Variants in FGF14 observed in about 807,000 individuals in gnomAD.
FGF14 encodes the protein fibroblast growth factor 14.
Under a neutral mutation model 25.5 loss-of-function variants are expected in FGF14, and 5 were observed. That is an observed-to-expected ratio of 0.20 (90% CI 0.10 to 0.41). FGF14 has a LOEUF of 0.41. FGF14 is among the 10% of genes least tolerant of loss of function. The pLI is 1.00. For synonymous variants in FGF14, 138 were observed against 118.3 expected, an observed-to-expected ratio of 1.17 and a Z score of -1.08; for missense variants, 222 against 320.1, an observed-to-expected ratio of 0.69 and a Z score of 2.34.
At chr13:101,937,750 C>T (rs2035197227) in intron 1 of FGF14, among the ~76,000 whole-genome samples, 1 of 152,090 alleles carries the variant, frequency 6.6e-6, no homozygotes, top group Admixed American at 6.6e-5. Flanking sequence ...CAGGTGCTCA[C>T]CACCACGCCC....
rs1161042318 is a variant in FGF14, at chr13:102,196,648, TTAAC to T, written c.208+204819_208+204822del. 6.6e-5 allele frequency among the ~76,000 whole-genome samples: 10 copies of T among 152,324 alleles called. No homozygotes were observed. The East Asian group carries it at 1.7e-3, about 26-fold the overall frequency. Reference sequence around the variant, plus strand: ...ATGTTGAATGATTAAATCAGACTAATTAACAAATTCATCACCTCACATATAATTT... The same window carrying T: ...ATGTTGAATGATTAAATCAGACTAATAAATTCATCACCTCACATATAATTT... On this transcript the variant is annotated intron_variant, in intron 1 of 4. Coordinates refer to the FGF14 transcript ENST00000376131.
Position 102,397,156 on chromosome 13 carries a change from C to G in FGF14, c.208+4315G>C, listed in dbSNP as rs143771593. 1.6e-3 allele frequency among the ~76,000 whole-genome samples: 241 copies of G among 152,284 alleles called. 2 individuals are homozygous for G. The highest frequency in any genetic ancestry group is 5.3e-3 in the African/African-American group (219 of 41,550). Reference sequence around the variant, plus strand: ...GAAGGAGGGGAGTAAAAAGTGCTCACTCTTCTTCCCTCTCTTCCTATTTTC... The same window carrying G: ...GAAGGAGGGGAGTAAAAAGTGCTCAGTCTTCTTCCCTCTCTTCCTATTTTC... On this transcript the variant is annotated intron_variant, in intron 1 of 4. Coordinates refer to the FGF14 transcript ENST00000376131.
chr13:102,135,654 A>G (rs1179312585), intron 1 of FGF14, among the ~76,000 whole-genome samples: 9 of 152,116 alleles, frequency 5.9e-5, no homozygotes, highest in Admixed American at 5.9e-4. Context: ...TGCAATTGCA[A>G]TGAAATATTG....
intron 1 of FGF14, among the ~76,000 whole-genome samples, chr13:102,179,434 G>A (rs919357188): frequency 6.6e-6 from 1 of 152,070 alleles, no homozygotes; most frequent in Non-Finnish European, 1.5e-5. Flanking sequence ...ACAATCTTCT[G>A]TGAGCCCTAG....
chr13:102,087,238 A>C (rs569367717), intron 1 of FGF14, among the ~76,000 whole-genome samples: 17 of 152,226 alleles, frequency 1.1e-4, no homozygotes, highest in South Asian at 4.1e-4. Context: ...AAGTGTGAAG[A>C]TCTATGCAAC....
At chr13:102,309,855 T>C (rs1030685622) in intron 1 of FGF14, among the ~76,000 whole-genome samples, 1 of 152,216 alleles carries the variant, frequency 6.6e-6, no homozygotes, top group African/African-American at 2.4e-5. Context: ...ATCCTGCATT[T>C]GCTTTAGCCT....
intron 1 of FGF14, among the ~76,000 whole-genome samples, chr13:102,328,277 G>C (rs974702606): frequency 1.3e-5 from 2 of 152,132 alleles, no homozygotes; most frequent in Non-Finnish European, 2.9e-5. Flanking sequence ...CAAAAATTTT[G>C]ACCATTAACT....
intron 1 of FGF14, among the ~76,000 whole-genome samples, chr13:102,115,993 C>T (rs1016394484): frequency 6.6e-6 from 1 of 152,010 alleles, no homozygotes; most frequent in Non-Finnish European, 1.5e-5. Flanking sequence ...GCCTGTAATT[C>T]CAGCTACCAA....
intron 3 of FGF14, among the ~76,000 whole-genome samples, chr13:101,803,857 T>C (rs920022860): frequency 1.3e-5 from 2 of 152,078 alleles, no homozygotes; most frequent in African/African-American, 2.4e-5. Context: ...ATGTGAGACA[T>C]GGTTATGGAA....
intron 1 of FGF14, among the ~76,000 whole-genome samples, chr13:102,174,010 T>C (rs1018279720): frequency 6.6e-6 from 1 of 152,136 alleles, no homozygotes; most frequent in Non-Finnish European, 1.5e-5. Context: ...ATTATCTCTA[T>C]ATGCTGATGA....
At chr13:102,209,801 G>A (rs1480908169) in intron 1 of FGF14, among the ~76,000 whole-genome samples, 1 of 152,132 alleles carries the variant, frequency 6.6e-6, no homozygotes, top group Non-Finnish European at 1.5e-5. Flanking sequence ...CCTAGCCAAT[G>A]AAAGGCAAGC....
chr13:102,123,857 C>T (rs1477339054), intron 1 of FGF14, among the ~76,000 whole-genome samples: 1 of 152,098 alleles, frequency 6.6e-6, no homozygotes. Context: ...AAATGTTTGA[C>T]ATTAGAAGTG....
intron 1 of FGF14, among the ~76,000 whole-genome samples, chr13:102,360,358 C>A (rs2057531738): frequency 6.6e-6 from 1 of 152,110 alleles, no homozygotes; most frequent in Admixed American, 6.6e-5. Context: ...AAAATGTGTG[C>A]TACTTATATC....
chr13:102,378,623 C>CTATATATATATATATA (rs1367750076), intron 1 of FGF14, among the ~76,000 whole-genome samples: 1 of 124,264 alleles, frequency 8.0e-6, no homozygotes, highest in Non-Finnish European at 1.6e-5. Context: ...ATCTATCTAT[C>CTATATATATATATATA]TATCTATCTA....
At chr13:101,850,662 T>C (rs1370479127) in intron 3 of FGF14, among the ~76,000 whole-genome samples, 2 of 143,394 alleles carry the variant, frequency 1.4e-5, no homozygotes, top group Non-Finnish European at 1.5e-5. Context: ...CTATATATTC[T>C]ATATAGAGAA....
intron 3 of FGF14, among the ~76,000 whole-genome samples, chr13:101,781,243 C>T (rs1380969460): frequency 6.6e-6 from 1 of 152,156 alleles, no homozygotes; most frequent in African/African-American, 2.4e-5. Context: ...TCTTATTCTG[C>T]TCTATTTTAC....
At chr13:102,110,048 T>C (rs924271425) in intron 1 of FGF14, among the ~76,000 whole-genome samples, 5 of 152,208 alleles carry the variant, frequency 3.3e-5, no homozygotes, top group African/African-American at 7.2e-5. Flanking sequence ...ATCCATAATG[T>C]TCTAACTTGA....
intron 1 of FGF14, among the ~76,000 whole-genome samples, chr13:102,242,158 A>C (rs1259406985): frequency 2.0e-5 from 3 of 152,158 alleles, no homozygotes; most frequent in Non-Finnish European, 4.4e-5. Context: ...AAACTGTATG[A>C]ATAAGTTATT....
chr13:101,751,783 G>C, intron 3 of FGF14, among the ~76,000 whole-genome samples: 1 of 152,006 alleles, frequency 6.6e-6, no homozygotes, highest in East Asian at 1.9e-4. Context: ...CACTTAACTT[G>C]CACTTTACAG....
Sources: allele counts gnomAD v4.1 joint callset (sites outside exome capture counted in the v4.1 genomes callset), GRCh38; gene constraint gnomAD v4.1.1; transcripts MANE v1.5; gene names NCBI Gene and HGNC (gene_info 2026-07-23, HGNC 2026-07-21).